The following ADGRB3 variants were observed in gnomAD, a reference collection of about 807,000 sequenced individuals.
ADGRB3 encodes brain-specific angiogenesis inhibitor 3.
Under a neutral mutation model 193.4 loss-of-function variants are expected in ADGRB3, and 37 were observed. That is an observed-to-expected ratio of 0.19 (90% CI 0.15 to 0.25). ADGRB3 has a LOEUF of 0.25. ADGRB3 is among the 10% of genes least tolerant of loss of function. The pLI, the probability that ADGRB3 is intolerant of heterozygous loss-of-function variation, is 1.00. For synonymous variants in ADGRB3, 690 were observed against 644.2 expected (o/e 1.07, Z -1.08); for missense variants, 1,637 against 1,852.9 (o/e 0.88, Z 2.14).
At chr6:68,953,531 C>G (rs1356323620) in intron 6 of ADGRB3, among the ~76,000 whole-genome samples, 1 of 152,088 alleles carries the variant, frequency 6.6e-6, no homozygotes, top group Non-Finnish European at 1.5e-5. Context: ...ATGAAAAATG[C>G]ACTCATGTTT....
intron 23 of ADGRB3, chr6:69,332,181 T>A (rs776635001): frequency 1.0e-6 from 1 of 985,248 alleles, no homozygotes; most frequent in Admixed American, 6.2e-5. Context: ...CAAATAGACA[T>A]CTATGCAGTT....
At chr6:68,842,895 A>G (rs1324640855) in intron 3 of ADGRB3, among the ~76,000 whole-genome samples, 1 of 152,076 alleles carries the variant, frequency 6.6e-6, no homozygotes, top group Non-Finnish European at 1.5e-5. Flanking sequence ...ATGAAACATC[A>G]TATAAACAGA....
chr6:69,215,993 T>C (rs1582552191), intron 17 of ADGRB3, among the ~76,000 whole-genome samples: 1 of 152,222 alleles, frequency 6.6e-6, no homozygotes, highest in African/African-American at 2.4e-5. Context: ...AGATGGTTTT[T>C]CGTCTTCCAT....
At chr6:69,358,110 C>T (rs10455224) in intron 28 of ADGRB3, among the ~76,000 whole-genome samples, 114,429 of 151,712 alleles carry the variant, frequency 0.75, 44,316 homozygotes, top group East Asian at 0.96. Flanking sequence ...TTCTCCTTGA[C>T]AGAGAAGCAA....
At chr6:68,890,697 T>C (rs2150228938) in intron 3 of ADGRB3, among the ~76,000 whole-genome samples, 1 of 152,000 alleles carries the variant, frequency 6.6e-6, no homozygotes, top group African/African-American at 2.4e-5. Context: ...AAAAAACAAA[T>C]ACATAAAAGG....
At chr6:69,049,584 C>A (rs773040366) in intron 15 of ADGRB3, among the ~76,000 whole-genome samples, 3 of 151,930 alleles carry the variant, frequency 2.0e-5, no homozygotes, top group Admixed American at 1.3e-4. Context: ...ACTGATAATG[C>A]CTTGCCTTGA....
intron 26 of ADGRB3, among the ~76,000 whole-genome samples, chr6:69,351,310 GT>G (rs1387721467): frequency 6.6e-6 from 1 of 151,136 alleles, no homozygotes; most frequent in Non-Finnish European, 1.5e-5. Flanking sequence ...CGCCAGGCTG[GT>G]CTCGAACTCC....
intron 3 of ADGRB3, among the ~76,000 whole-genome samples, chr6:68,919,068 A>G (rs1483844455): frequency 6.6e-6 from 1 of 151,168 alleles, no homozygotes; most frequent in South Asian, 2.1e-4. Flanking sequence ...CTCCTTCTCT[A>G]TTGTCCACAG....
intron 3 of ADGRB3, among the ~76,000 whole-genome samples, chr6:68,668,198 T>C (rs1413349865): frequency 1.3e-5 from 2 of 151,990 alleles, no homozygotes; most frequent in African/African-American, 4.8e-5. Context: ...TAAGCATCAA[T>C]AGTGGAATGA....
chr6:69,296,806 G>A (rs189254326), intron 20 of ADGRB3, among the ~76,000 whole-genome samples: 34 of 152,144 alleles, frequency 2.2e-4, no homozygotes, highest in Admixed American at 4.6e-4. Context: ...TATAAACCCA[G>A]TCTCCAAACT....
At position 69,048,352 on chromosome 6, in the gene ADGRB3, T is replaced by C. The variant is rs1182277507; in HGVS notation, c.2257+18T>C. 4.4e-6 allele frequency: 7 copies of C among 1,608,220 alleles called. No individual in the cohort carries two copies. Among genetic ancestry groups the C allele is most frequent in the Non-Finnish European group, 5.9e-6 (7 of 1,177,126 alleles). On this transcript the variant is annotated intron_variant, in intron 14 of 31. Transcript: ENST00000370598. Reference sequence around the variant, plus strand: ...ATCAAAAGGTAAATATCTGAAATAATATGAGCTTGAACAAGACATTTTTGA... The same window carrying C: ...ATCAAAAGGTAAATATCTGAAATAACATGAGCTTGAACAAGACATTTTTGA...
At chr6:68,855,112 T>A (rs1764941883) in intron 3 of ADGRB3, among the ~76,000 whole-genome samples, 1 of 152,192 alleles carries the variant, frequency 6.6e-6, no homozygotes, top group South Asian at 2.1e-4. Flanking sequence ...TTTGCTGCAT[T>A]TTGCATTATT....
chr6:68,969,832 C>T (rs559174984), intron 8 of ADGRB3, among the ~76,000 whole-genome samples: 7 of 152,336 alleles, frequency 4.6e-5, no homozygotes, highest in South Asian at 4.1e-4. Context: ...GTCTCCTCCA[C>T]GGCATTGGCC....
chr6:69,334,521 T>A (rs1311025991), intron 24 of ADGRB3, among the ~76,000 whole-genome samples: 2 of 152,230 alleles, frequency 1.3e-5, no homozygotes, highest in Non-Finnish European at 2.9e-5. Context: ...CAGACAAGTT[T>A]CTGTAACAAC....
At chr6:69,295,938 ATG>A (rs1448722295) in intron 20 of ADGRB3, among the ~76,000 whole-genome samples, 1 of 152,192 alleles carries the variant, frequency 6.6e-6, no homozygotes, top group Non-Finnish European at 1.5e-5. Context: ...GAATATGTCT[ATG>A]AATCAGGAAA....
chr6:68,870,868 A>G (rs990222337), intron 3 of ADGRB3, among the ~76,000 whole-genome samples: 14 of 152,212 alleles, frequency 9.2e-5, no homozygotes, highest in East Asian at 3.8e-4. Flanking sequence ...TCTGATTGCT[A>G]TGTTATTAAA....
intron 3 of ADGRB3, among the ~76,000 whole-genome samples, chr6:68,642,289 T>C (rs1204910499): frequency 6.6e-6 from 1 of 152,124 alleles, no homozygotes; most frequent in Non-Finnish European, 1.5e-5. Context: ...GTAATACTGA[T>C]GGTGATGGCA....
At chr6:69,049,823 A>T (rs576954948) in intron 15 of ADGRB3, among the ~76,000 whole-genome samples, 34 of 152,258 alleles carry the variant, frequency 2.2e-4, no homozygotes, top group South Asian at 8.3e-4. Context: ...ACATTTTTTT[A>T]AAAAATGCTG....
intron 17 of ADGRB3, among the ~76,000 whole-genome samples, chr6:69,208,258 G>A (rs1765581154): frequency 6.6e-6 from 1 of 152,136 alleles, no homozygotes; most frequent in Non-Finnish European, 1.5e-5. Context: ...CCTCTGCTGA[G>A]GTCACCCGGT....
Sources: gnomAD v4.1 joint callset for allele counts (sites outside exome capture counted in the v4.1 genomes callset) on GRCh38, gnomAD v4.1.1 for gene constraint, MANE v1.5 for transcripts, NCBI Gene and HGNC (gene_info 2026-07-23, HGNC 2026-07-21) for gene names.